GRIN3B: variants seen among roughly 807,000 people sequenced by gnomAD.
GRIN3B encodes the protein glutamate receptor ionotropic, NMDA 3B.
GRIN3B carries 77 observed loss-of-function variants against 66.0 expected under a neutral mutation model. That is an observed-to-expected ratio of 1.17 (90% CI 0.97 to 1.41). The LOEUF (loss-of-function observed/expected upper bound fraction) is 1.41. Among genes scored for constraint, GRIN3B ranks in the 40% most tolerant of loss-of-function variants. GRIN3B has a pLI of 0.00. For missense variants in GRIN3B, 1,787 were observed against 1,564.5 expected, an observed-to-expected ratio of 1.14 and a Z score of -2.40; for synonymous variants, 823 against 749.7, an observed-to-expected ratio of 1.10 and a Z score of -1.60.
In GRIN3B at chr19:1,007,921, T is replaced by C; in HGVS notation, c.2264T>C (p.Ile755Thr). 1.9e-6 allele frequency: 3 copies of C among 1,611,860 alleles called. No individual in the cohort carries two copies. The highest frequency in any genetic ancestry group is 1.7e-5 in the Admixed American group (1 of 59,990). The part of the protein sequence containing the change: ...DKSLLDYEVS[I>T]DADCKLLTVG... ...TCGCTCCTGGACTACGAGGTCTCCATCGACGCCGACTGCAAACTGCTGACC... is the reference window on the plus strand; with the variant it reads ...TCGCTCCTGGACTACGAGGTCTCCACCGACGCCGACTGCAAACTGCTGACC... The change falls in exon 5 of 9, where the codon ATC becomes ACC. Residue 755 changes from isoleucine to threonine, a missense_variant. Ile to Thr is a moderately conservative substitution (Grantham distance 89, BLOSUM62 -1). Coordinates refer to ENST00000234389, the MANE Select transcript of GRIN3B (RefSeq NM_138690.3). The surrounding 1 kb of genome is among the most constrained non-coding windows in gnomAD (Gnocchi z 4.4).
In GRIN3B at chr19:1,005,311, A is replaced by T; in HGVS notation, c.1810A>T (p.Thr604Ser). Residue 604 changes from threonine (T) to serine (S), a missense_variant, in exon 3 of 9, where the codon ACG becomes TCG. Transcript: ENST00000234389. This position sits in a 1 kb window ranked among gnomAD's most constrained non-coding sequence, Gnocchi z 5.2. ...CGAGTGGCGTAGCCCCTACGGCCTCACGCCACGTGGCCGCAACCGCAGCAC... is the reference window on the plus strand; with the variant it reads ...CGAGTGGCGTAGCCCCTACGGCCTCTCGCCACGTGGCCGCAACCGCAGCAC... ...VYEWRSPYGL[T>S]PRGRNRSTVF... The T allele has an allele frequency of 6.2e-7, 1 of 1,613,582 alleles. No individual in the cohort carries two copies. Among genetic ancestry groups the T allele is most frequent in the Non-Finnish European group, 8.5e-7 (1 of 1,179,978 alleles).
chr19:1,003,853 G>A (rs2038710814), intron 2 of GRIN3B, 131 bp downstream of exon 2: 1 of 663,812 alleles, frequency 1.5e-6, no homozygotes, highest in Non-Finnish European at 2.3e-6. Flanking sequence ...TCGGAAGGCC[G>A]AGGCGAGCGG....
chr19:1,008,501 C>A (rs1182963459), intron 6 of GRIN3B, 117 bp from the exon 7 acceptor site: 2 of 1,261,160 alleles, frequency 1.6e-6, no homozygotes, highest in African/African-American at 3.0e-5. Flanking sequence ...TGCCTCCCAA[C>A]CTGGCTCCAC....
At chr19:1,002,898 G>T in intron 1 of GRIN3B, 5 of 415,770 alleles carry the variant, frequency 1.2e-5, no homozygotes, top group South Asian at 8.0e-5. Flanking sequence ...AAAACACCAA[G>T]TGTGCCCATG....
At chr19:1,001,779 C>T (rs1239058572) in intron 1 of GRIN3B, among the ~76,000 whole-genome samples, 7 of 152,138 alleles carry the variant, frequency 4.6e-5, no homozygotes, top group Admixed American at 4.6e-4. Context: ...CCCCTGTCCC[C>T]CCACCGCCCT....
In GRIN3B at chr19:1,009,552, GC is replaced by G. The variant is rs1331847037; in HGVS notation, c.3087del (p.Ala1030ArgfsTer55). The G allele has an allele frequency of 5.6e-6, 5 of 900,854 alleles. No homozygotes were observed. In the African/African-American group the frequency reaches 7.2e-5, roughly 13 times the overall value. The allele number at this position is 900,854 out of a possible 1,614,324, so 55.8% of individuals were successfully genotyped here. A position where few individuals can be genotyped will look rare whatever the true frequency, so the allele number is the denominator to read the frequency against. On this transcript the variant is annotated frameshift_variant, in exon 9 of 9. Coordinates refer to ENST00000234389, the MANE Select transcript of GRIN3B (RefSeq NM_138690.3). LOFTEE classifies it low-confidence loss of function (END_TRUNC). ...RPRRLLQARA[A>X]PAEAPPHSGR... The stretch of plus-strand genomic sequence containing the variant: ...TCGGCGCTTGCTTCAGGCCAGAGCG[GC>G]CCCCGCGGAGGCCCCACCACACTCT...
rs767648585 is a variant in GRIN3B, at chr19:1,007,755, G to A, written c.2180G>A (p.Arg727His). The A allele has an allele frequency of 1.8e-5, 27 of 1,516,940 alleles. No homozygotes were observed. The highest frequency in any genetic ancestry group is 2.4e-5 in the Non-Finnish European group (27 of 1,133,656). 94.0% of individuals were successfully genotyped at this position (1,516,940 alleles called of 1,614,324 possible). ...MRRHSAPTTPRGVAMLTSDPP... is the reference protein window; with the variant it reads ...MRRHSAPTTPHGVAMLTSDPP... ...CGCCACAGCGCGCCCACCACGCCCC[G>A]CGGCGTCGCCATGCTCACGTGAGCC... is the stretch of plus-strand genomic sequence containing the variant. The change falls in exon 4 of 9, where the codon CGC becomes CAC. Residue 727 changes from arginine (R) to histidine (H), a missense_variant. Arg to His is a conservative substitution (Grantham distance 29, BLOSUM62 0). Transcript: ENST00000234389. This position sits in a 1 kb window ranked among gnomAD's most constrained non-coding sequence, Gnocchi z 4.4.
chr19:1,006,652 C>T (rs2038752286), intron 3 of GRIN3B, among the ~76,000 whole-genome samples: 1 of 152,138 alleles, frequency 6.6e-6, no homozygotes, highest in Admixed American at 6.5e-5. Context: ...CCCGTAGTGT[C>T]TCTGAACTTT....
Position 1,004,726 on chromosome 19 carries a change from C to A in GRIN3B, c.1225C>A (p.Gln409Lys). Residue 409 changes from glutamine (Q) to lysine (K), a missense_variant, in exon 3 of 9, where the codon CAG (glutamine) becomes AAG (lysine). Gln to Lys is a moderately conservative substitution (Grantham distance 53, BLOSUM62 1). Coordinates refer to ENST00000234389, the MANE Select transcript of GRIN3B (RefSeq NM_138690.3). ...GGASARPPPP[Q>K]GAQVWPKLRV... ...TGCCTCTGCACGGCCCCCGCCCCCA[C>A]AGGGTGCCCAGGTCTGGCCCAAGCT... 6.2e-7 allele frequency: 1 copy of A among 1,606,644 alleles called. No homozygotes were observed. Among genetic ancestry groups the A allele is most frequent in the Non-Finnish European group, 8.5e-7 (1 of 1,175,646 alleles).
At position 1,007,727 on chromosome 19, in the gene GRIN3B, C is replaced by A. The variant is rs368362965; in HGVS notation, c.2152C>A (p.Arg718=). 4 of 1,529,358 alleles carry A rather than the reference C, an allele frequency of 2.6e-6. No homozygotes were observed. In the African/African-American group the frequency reaches 5.7e-5, roughly 22 times the overall value. 94.7% of individuals were successfully genotyped at this position (1,529,358 alleles called of 1,614,324 possible). A position where few individuals can be genotyped will look rare whatever the true frequency, so the allele number is the denominator to read the frequency against. The part of the protein sequence containing the change: ...KSFPDMHAHM[R]RHSAPTTPRG... Reference sequence around the variant, plus strand: ...CTTCCCCGACATGCACGCACACATGCGGCGCCACAGCGCGCCCACCACGCC... The same window carrying A: ...CTTCCCCGACATGCACGCACACATGAGGCGCCACAGCGCGCCCACCACGCC... Residue 718 remains arginine (R), a synonymous_variant, in exon 4 of 9, where the codon CGG becomes AGG. Coordinates refer to ENST00000234389, the MANE Select transcript of GRIN3B (RefSeq NM_138690.3). The surrounding 1 kb of genome is among the most constrained non-coding windows in gnomAD (Gnocchi z 4.4).
At chr19:1,006,276 G>C (rs991420109) in intron 3 of GRIN3B, among the ~76,000 whole-genome samples, 1 of 150,828 alleles carries the variant, frequency 6.6e-6, no homozygotes, top group Non-Finnish European at 1.5e-5. Flanking sequence ...AGCCTCCCAA[G>C]TAGCTGGGAT....
Position 1,007,935 on chromosome 19 carries a change from A to C in GRIN3B, c.2278A>C (p.Lys760Gln). The change falls in exon 5 of 9, where the codon AAA becomes CAA. Residue 760 changes from lysine to glutamine, a missense_variant. Physicochemically the swap from Lys to Gln is moderately conservative, Grantham distance 53. Coordinates refer to ENST00000234389, the MANE Select transcript of GRIN3B (RefSeq NM_138690.3). The surrounding 1 kb of genome is among the most constrained non-coding windows in gnomAD (Gnocchi z 4.4). ...DYEVSIDADC[K>Q]LLTVGKPFAI... ...CGAGGTCTCCATCGACGCCGACTGC[A>C]AACTGCTGACCGTGGGAAAGCCCTT... 6.2e-7 allele frequency: 1 copy of C among 1,612,094 alleles called. No individual in the cohort carries two copies. The highest frequency in any genetic ancestry group is 8.5e-7 in the Non-Finnish European group (1 of 1,179,674).
rs779377224 is a variant in GRIN3B at position 1,005,059 on chromosome 19, C to G, written c.1558C>G (p.Leu520Val). Residue 520 changes from leucine (L) to valine (V), a missense_variant, in exon 3 of 9, where the codon CTG (leucine) becomes GTG (valine). Coordinates refer to ENST00000234389, the MANE Select transcript of GRIN3B (RefSeq NM_138690.3). The surrounding 1 kb of genome is among the most constrained non-coding windows in gnomAD (Gnocchi z 5.2). ...CCGCTGGACCGGCCTGGTCGGGGAC[C>G]TGCTGGCCGGCCGGGCCCACATGGC... The part of the protein sequence containing the change: ...DGRWTGLVGD[L>V]LAGRAHMAVT... 1 of 1,611,300 alleles carries G rather than the reference C, an allele frequency of 6.2e-7. No individual in the cohort carries two copies. The highest frequency in any genetic ancestry group is 8.5e-7 in the Non-Finnish European group (1 of 1,179,034).
Position 1,009,173 on chromosome 19 carries a change from C to T in GRIN3B, c.2703C>T (p.Ser901=), listed in dbSNP as rs752735613. ...SKEETAEAEP[S]GPEVEQQQQQ... ...CTGACCAGGCCGGTTCCGTCCCCAG[C>T]GGCCCCGAGGTGGAGCAGCAGCAGC... is the stretch of plus-strand genomic sequence containing the variant. Residue 901 remains serine (S), a splice_region_variant and synonymous_variant, in exon 9 of 9, where the codon AGC becomes AGT. Coordinates refer to ENST00000234389, the MANE Select transcript of GRIN3B (RefSeq NM_138690.3). 19 of 1,465,134 alleles carry T rather than the reference C, an allele frequency of 1.3e-5. No homozygotes were observed. The African/African-American group carries it at 2.3e-4, about 18-fold the overall frequency. 90.8% of individuals were successfully genotyped at this position (1,465,134 alleles called of 1,614,324 possible). A position where few individuals can be genotyped will look rare whatever the true frequency, so the allele number is the denominator to read the frequency against.
chr19:1,003,067 G>C (rs546540242), intron 1 of GRIN3B, 63 bp from the exon 2 acceptor site: 1 of 1,191,906 alleles, frequency 8.4e-7, no homozygotes, highest in Non-Finnish European at 1.1e-6. Flanking sequence ...CCCGCTGCTG[G>C]GGTGGGAAGG....
At chr19:1,004,406 G>T in intron 2 of GRIN3B, 115 bp from the exon 3 acceptor site, 1 of 907,132 alleles carries the variant, frequency 1.1e-6, no homozygotes, top group South Asian at 1.6e-5. Context: ...GTCCACGTTT[G>T]TCCTCATGAT....
rs2038806134 is a variant in GRIN3B, at chr19:1,009,177, C to A, written c.2707C>A (p.Pro903Thr). The A allele has an allele frequency of 6.8e-7, 1 of 1,471,174 alleles. No homozygotes were observed. The highest frequency in any genetic ancestry group is 8.9e-7 in the Non-Finnish European group (1 of 1,122,518). 91.1% of individuals were successfully genotyped at this position (1,471,174 alleles called of 1,614,324 possible). A position where few individuals can be genotyped will look rare whatever the true frequency, so the allele number is the denominator to read the frequency against. ...CCAGGCCGGTTCCGTCCCCAGCGGCCCCGAGGTGGAGCAGCAGCAGCAGCA... is the reference window on the plus strand; with the variant it reads ...CCAGGCCGGTTCCGTCCCCAGCGGCACCGAGGTGGAGCAGCAGCAGCAGCA... ...EETAEAEPSG[P>T]EVEQQQQQQD... The change falls in exon 9 of 9, where the codon CCC becomes ACC. Residue 903 changes from proline to threonine, a missense_variant. Pro to Thr is a conservative substitution (Grantham distance 38). Coordinates refer to ENST00000234389, the MANE Select transcript of GRIN3B (RefSeq NM_138690.3).
chr19:1,001,457 T>G (rs2038683718), intron 1 of GRIN3B, among the ~76,000 whole-genome samples: 1 of 148,162 alleles, frequency 6.7e-6, no homozygotes, highest in Non-Finnish European at 1.5e-5. Flanking sequence ...AGCCTTCAAG[T>G]TCCTCTCTTC....
rs761184700 is a variant in GRIN3B at position 1,008,161 on chromosome 19, A to T, written c.2336A>T (p.Gln779Leu). The T allele has an allele frequency of 1.2e-6, 2 of 1,601,230 alleles. No individual in the cohort carries two copies. The highest frequency in any genetic ancestry group is 1.7e-4 in the Middle Eastern group (1 of 6,048). The change falls in exon 6 of 9, where the codon CAG becomes CTG. Residue 779 changes from glutamine to leucine, a missense_variant. Transcript: ENST00000234389. ...AIEGYGIGLP[Q>L]NSPLTSNLSE... ...CCAGGCTATGGGATCGGACTGCCCC[A>T]GAACTCGCCGCTCACCTCCAACCTG...
Sources: gnomAD v4.1 joint callset for allele counts (sites outside exome capture counted in the v4.1 genomes callset) on GRCh38, gnomAD v4.1.1 for gene constraint, Gnocchi (gnomAD v3.1) non-coding constraint, MANE v1.5 for transcripts, NCBI Gene and HGNC (gene_info 2026-07-23, HGNC 2026-07-21) for gene names.